The following EHHADH variants were observed in gnomAD, a reference collection of about 807,000 sequenced individuals.
The protein encoded by EHHADH is peroxisomal bifunctional enzyme.
In EHHADH, 48 loss-of-function variants were observed where a neutral mutation model predicts 64.4. The ratio of observed to expected loss-of-function variants is 0.75; its 90% CI spans 0.59 to 0.95. The LOEUF (loss-of-function observed/expected upper bound fraction) is 0.95, where lower values mean the gene tolerates loss of function less well. Among genes scored for constraint, EHHADH ranks in the 40% least tolerant of loss-of-function variants. The pLI is 0.00. For synonymous variants in EHHADH, 308 were observed against 326.7 expected (o/e 0.94, Z 0.62); for missense variants, 854 against 876.6 (o/e 0.97, Z 0.33).
At chr3:185,210,659 T>G (rs538646887) in intron 5 of EHHADH, among the ~76,000 whole-genome samples, 56 of 150,586 alleles carry the variant, frequency 3.7e-4, no homozygotes, top group Non-Finnish European at 7.2e-4. Flanking sequence ...AAAGGGAATA[T>G]TTAAAGGTGG....
chr3:185,195,345 C>T (rs1718030400), intron 6 of EHHADH, among the ~76,000 whole-genome samples: 1 of 152,138 alleles, frequency 6.6e-6, no homozygotes, highest in Admixed American at 6.5e-5. Context: ...ATGAAAAAGA[C>T]AGACAATAAC....
intron 4 of EHHADH, among the ~76,000 whole-genome samples, chr3:185,222,332 G>A (rs769647660): frequency 2.0e-5 from 3 of 152,084 alleles, no homozygotes; most frequent in East Asian, 1.9e-4. Context: ...GCAGTGAGCC[G>A]AGATCGTGCC....
At chr3:185,237,586 G>T (rs1423592544) in intron 2 of EHHADH, among the ~76,000 whole-genome samples, 1 of 152,106 alleles carries the variant, frequency 6.6e-6, no homozygotes, top group Admixed American at 6.6e-5. Context: ...AAATGTTATA[G>T]AATGCTTTTT....
At chr3:185,219,368 C>A (rs931209597) in intron 4 of EHHADH, among the ~76,000 whole-genome samples, 1 of 152,162 alleles carries the variant, frequency 6.6e-6, no homozygotes, top group African/African-American at 2.4e-5. Flanking sequence ...GGGTTTTTAG[C>A]TTGGAGTTAG....
At chr3:185,234,904 C>T (rs562897168) in intron 3 of EHHADH, among the ~76,000 whole-genome samples, 144 of 152,262 alleles carry the variant, frequency 9.5e-4, no homozygotes, top group African/African-American at 3.4e-3. Flanking sequence ...ACCTCTGGGC[C>T]GGGTGCAGTG....
At chr3:185,220,290 AC>A (rs2108638505) in intron 4 of EHHADH, among the ~76,000 whole-genome samples, 1 of 152,336 alleles carries the variant, frequency 6.6e-6, no homozygotes. Context: ...CCATATAATA[AC>A]ATTTCTGTCA....
At chr3:185,243,358 A>G (rs1174316318) in intron 2 of EHHADH, among the ~76,000 whole-genome samples, 1 of 152,172 alleles carries the variant, frequency 6.6e-6, no homozygotes, top group Non-Finnish European at 1.5e-5. Flanking sequence ...TCCAAGTCAG[A>G]GCTGCAATCT....
rs1560004004 is a variant in EHHADH at position 185,192,814 on chromosome 3, A to AT, written c.1583dup (p.Asp528GlufsTer7). 4 of 1,614,138 alleles carry AT rather than the reference A, an allele frequency of 2.5e-6. No individual in the cohort carries two copies. In the South Asian group the frequency reaches 4.4e-5, roughly 18 times the overall value. On this transcript the variant is annotated frameshift_variant, in exon 7 of 7. Coordinates refer to ENST00000231887, the MANE Select transcript of EHHADH (RefSeq NM_001966.4). LOFTEE classifies it high-confidence loss of function. ...GCCCCTTTCTAGATTTCCAGCCCAC[A>AT]TCCAACCCAGCAAGATCAGACACTC... is the stretch of plus-strand genomic sequence containing the variant.
intron 5 of EHHADH, among the ~76,000 whole-genome samples, chr3:185,214,597 GAAAA>G: frequency 6.6e-6 from 1 of 152,234 alleles, no homozygotes; most frequent in Non-Finnish European, 1.5e-5. Context: ...AACCACTACT[GAAAA>G]TTTGTTACAT....
Position 185,192,731 on chromosome 3 carries a change from C to T in EHHADH, c.1667G>A (p.Arg556Lys), listed in dbSNP as rs1281355176. 1.2e-6 allele frequency: 2 copies of T among 1,614,008 alleles called. No homozygotes were observed. The highest frequency in any genetic ancestry group is 2.7e-5 in the African/African-American group (2 of 74,912). ...CACATCAGGAATTGGGCAGTACCTC[C>T]TATTACCCCTTTTTCGGGCAGGAGT... Reference protein sequence around the residue: ...PGTPARKRGNRRYCPIPDVLC... With the variant: ...PGTPARKRGNKRYCPIPDVLC... Residue 556 changes from arginine to lysine, a missense_variant, in exon 7 of 7, where the codon AGG (arginine) becomes AAG (lysine). Coordinates refer to ENST00000231887, the MANE Select transcript of EHHADH (RefSeq NM_001966.4).
chr3:185,249,732 C>G (rs1719695346), intron 1 of EHHADH, among the ~76,000 whole-genome samples: 1 of 152,214 alleles, frequency 6.6e-6, no homozygotes, highest in Non-Finnish European at 1.5e-5. Context: ...TTATAAATTA[C>G]CCAGTCTCGG....
At chr3:185,250,614 AC>A (rs1210206342) in intron 1 of EHHADH, among the ~76,000 whole-genome samples, 27 of 152,346 alleles carry the variant, frequency 1.8e-4, no homozygotes, top group African/African-American at 6.3e-4. Flanking sequence ...AACAAAACAA[AC>A]AACAACAAAC....
At chr3:185,214,373 TG>T (rs1258605326) in intron 5 of EHHADH, among the ~76,000 whole-genome samples, 2 of 152,140 alleles carry the variant, frequency 1.3e-5, no homozygotes, top group Non-Finnish European at 2.9e-5. Flanking sequence ...GCCCCAAAGA[TG>T]ATTTGTTAAG....
intron 4 of EHHADH, among the ~76,000 whole-genome samples, chr3:185,225,984 G>A (rs1718961461): frequency 6.6e-6 from 1 of 152,012 alleles, no homozygotes; most frequent in African/African-American, 2.4e-5. Flanking sequence ...TGTTTTCTTA[G>A]CACTTATCTC....
At position 185,254,014 on chromosome 3, in the gene EHHADH, CTCGGCCATGTT is replaced by C. The variant is rs763447652; in HGVS notation, c.-3_8del. ...CCAAGGCGTTGTGCAGCCGCGTATA[CTCGGCCATGTT>C]TCCTCTATCACCGAGGGCACCTCTG... On this transcript the variant is annotated start_lost and 5_prime_UTR_variant, in exon 1 of 7. Coordinates refer to ENST00000231887, the MANE Select transcript of EHHADH (RefSeq NM_001966.4). The C allele has an allele frequency of 6.2e-7, 1 of 1,613,888 alleles. No homozygotes were observed. Among genetic ancestry groups the C allele is most frequent in the Non-Finnish European group, 8.5e-7 (1 of 1,179,866 alleles).
intron 2 of EHHADH, among the ~76,000 whole-genome samples, chr3:185,240,914 G>T (rs993922763): frequency 2.0e-5 from 3 of 152,030 alleles, no homozygotes; most frequent in Non-Finnish European, 4.4e-5. Context: ...CACCCAAGCA[G>T]TATATACTGC....
At chr3:185,235,587 A>C (rs1719269159) in intron 2 of EHHADH, 125 bp from the exon 3 acceptor site, 3 of 823,150 alleles carry the variant, frequency 3.6e-6, no homozygotes, top group East Asian at 6.4e-5. Flanking sequence ...TTTTTTTTAG[A>C]GTTCCTGATG....
chr3:185,196,359 T>C (rs1030580263), intron 6 of EHHADH, among the ~76,000 whole-genome samples: 5 of 152,126 alleles, frequency 3.3e-5, no homozygotes, highest in Non-Finnish European at 7.4e-5. Context: ...GGTGTATAGA[T>C]ACACAAAATG....
At chr3:185,195,006 G>A (rs954318682) in intron 6 of EHHADH, among the ~76,000 whole-genome samples, 7 of 151,948 alleles carry the variant, frequency 4.6e-5, no homozygotes, top group Non-Finnish European at 1.5e-5. Context: ...AACAAATGAT[G>A]CTGGGACAAC....
Sources: gnomAD v4.1 joint callset for allele counts (sites outside exome capture counted in the v4.1 genomes callset) on GRCh38, gnomAD v4.1.1 for gene constraint, MANE v1.5 for transcripts, NCBI Gene and HGNC (gene_info 2026-07-23, HGNC 2026-07-21) for gene names.